CALN1: variants seen among roughly 807,000 people sequenced by gnomAD.
The protein encoded by CALN1 is calneuron 1, also known as calcium-binding protein 8.
In CALN1, 17 loss-of-function variants were observed where a neutral mutation model predicts 30.6. The observed-to-expected ratio is 0.56, with a 90% CI of 0.38 to 0.83. CALN1 has a LOEUF of 0.83. Among genes scored for constraint, CALN1 ranks in the 40% least tolerant of loss-of-function variants. The pLI is 0.00. For synonymous variants in CALN1, 156 were observed against 131.4 expected, an observed-to-expected ratio of 1.19 and a Z score of -1.28; for missense variants, 291 against 354.9, an observed-to-expected ratio of 0.82 and a Z score of 1.45.
intron 3 of CALN1, among the ~76,000 whole-genome samples, chr7:72,220,274 G>C (rs1462711383): frequency 6.9e-6 from 1 of 144,650 alleles, no homozygotes; most frequent in African/African-American, 2.6e-5. Context: ...TCCCACCTAT[G>C]AGTGAGAACA....
chr7:72,056,865 A>G (rs1369472951), intron 4 of CALN1, among the ~76,000 whole-genome samples: 1 of 152,226 alleles, frequency 6.6e-6, no homozygotes, highest in African/African-American at 2.4e-5. Flanking sequence ...ATGAAAATAA[A>G]TGCAAATTAA....
intron 2 of CALN1, among the ~76,000 whole-genome samples, chr7:72,313,618 A>C (rs1038484078): frequency 6.6e-6 from 1 of 152,040 alleles, no homozygotes; most frequent in African/African-American, 2.4e-5. Flanking sequence ...TGGTGGTCTC[A>C]AACTCCTGGC....
At chr7:72,347,852 G>A (rs573056080) in intron 2 of CALN1, among the ~76,000 whole-genome samples, 1 of 152,296 alleles carries the variant, frequency 6.6e-6, no homozygotes, top group Admixed American at 6.5e-5. Flanking sequence ...ATGGCAGTAG[G>A]GCGAGGTGGC....
the CALN1 span, among the ~76,000 whole-genome samples, chr7:72,503,677 CCTT>C: frequency 8.5e-3 from 1,293 of 152,194 alleles, 15 homozygotes; most frequent in African/African-American, 0.028. Context: ...GTACCAGTAA[CCTT>C]CTCTGAGTCT....
intron 5 of CALN1, among the ~76,000 whole-genome samples, chr7:71,994,511 CA>C (rs367725464): frequency 0.046 from 2,020 of 43,996 alleles, 7 homozygotes; most frequent in African/African-American, 0.066. Context: ...GACTTCATCT[CA>C]AAAAAAAAAA....
chr7:71,816,333 G>A (rs1788264283), intron 5 of CALN1, among the ~76,000 whole-genome samples: 1 of 152,134 alleles, frequency 6.6e-6, no homozygotes, highest in Non-Finnish European at 1.5e-5. Context: ...CATACACTCA[G>A]AGAAAACTCA....
At chr7:71,814,707 T>G (rs1584279191) in intron 5 of CALN1, among the ~76,000 whole-genome samples, 1 of 152,306 alleles carries the variant, frequency 6.6e-6, no homozygotes, top group East Asian at 1.9e-4. Flanking sequence ...TGATGATCCA[T>G]TTCCAGTTAA....
In CALN1 at chr7:72,324,707, G is replaced by A. The variant is rs1223032567; in HGVS notation, c.120-45897C>T. Among the ~76,000 whole-genome samples, 10 of 151,744 alleles carry A rather than the reference G, an allele frequency of 6.6e-5. No homozygotes were observed. In the East Asian group the frequency reaches 1.5e-3, roughly 24 times the overall value. On this transcript the variant is annotated intron_variant, in intron 2 of 6. Transcript: ENST00000395275. The stretch of plus-strand genomic sequence containing the variant: ...AGTGATTCTCCTGCCTCAGCCTCCC[G>A]AGTAGCTGGGACTACAGATGTGTAC...
chr7:72,234,859 T>C (rs907693377), intron 3 of CALN1, among the ~76,000 whole-genome samples: 1 of 152,196 alleles, frequency 6.6e-6, no homozygotes, highest in African/African-American at 2.4e-5. Flanking sequence ...AAGTACTTAA[T>C]TATGGGTGGA....
At chr7:72,034,998 T>C (rs961587577) in intron 4 of CALN1, among the ~76,000 whole-genome samples, 1 of 152,080 alleles carries the variant, frequency 6.6e-6, no homozygotes, top group African/African-American at 2.4e-5. Flanking sequence ...TCCAGACATG[T>C]ACCCACTCCC....
chr7:72,162,251 T>C (rs1439569168), intron 3 of CALN1, among the ~76,000 whole-genome samples: 2 of 152,100 alleles, frequency 1.3e-5, no homozygotes. Flanking sequence ...AAATTAAATA[T>C]ATAACAATTG....
At chr7:72,464,518 A>G in the CALN1 span, among the ~76,000 whole-genome samples, 7 of 152,252 alleles carry the variant, frequency 4.6e-5, no homozygotes, top group South Asian at 2.1e-4. Flanking sequence ...CTTCATGCCA[A>G]TCCCACACAT....
At chr7:72,067,672 T>C (rs997588378) in intron 4 of CALN1, among the ~76,000 whole-genome samples, 13 of 152,182 alleles carry the variant, frequency 8.5e-5, no homozygotes, top group African/African-American at 3.1e-4. Context: ...AATCTGTCAA[T>C]AAGTTACAAC....
At chr7:72,389,466 G>T (rs1236578170) in intron 2 of CALN1, among the ~76,000 whole-genome samples, 1 of 152,164 alleles carries the variant, frequency 6.6e-6, no homozygotes, top group African/African-American at 2.4e-5. Flanking sequence ...ACTAGGAAAA[G>T]AATTCAAAAA....
chr7:72,226,030 G>A (rs1402167905), intron 3 of CALN1, among the ~76,000 whole-genome samples: 8 of 150,908 alleles, frequency 5.3e-5, no homozygotes, highest in African/African-American at 1.9e-4. Flanking sequence ...CGGGAGGCAG[G>A]GGTTGCAGTG....
chr7:72,294,913 G>A (rs921868752), intron 2 of CALN1, among the ~76,000 whole-genome samples: 1 of 152,098 alleles, frequency 6.6e-6, no homozygotes, highest in Non-Finnish European at 1.5e-5. Context: ...AATTTAATGT[G>A]TGCATTTCTG....
chr7:72,212,077 G>C, intron 3 of CALN1, among the ~76,000 whole-genome samples: 1 of 152,110 alleles, frequency 6.6e-6, no homozygotes, highest in East Asian at 1.9e-4. Context: ...GAGGGGCCGG[G>C]CACGGTGACT....
intron 3 of CALN1, among the ~76,000 whole-genome samples, chr7:72,114,814 C>T (rs550551508): frequency 2.0e-5 from 3 of 152,078 alleles, no homozygotes; most frequent in Non-Finnish European, 4.4e-5. Context: ...GCCAACATGG[C>T]GAAACCCCGT....
intron 3 of CALN1, among the ~76,000 whole-genome samples, chr7:72,237,122 T>A (rs1029271621): frequency 2.0e-5 from 3 of 152,172 alleles, no homozygotes; most frequent in East Asian, 3.9e-4. Context: ...GTAGCTGAGA[T>A]TACAGGCATG....
Sources: allele counts gnomAD v4.1 joint callset (sites outside exome capture counted in the v4.1 genomes callset), GRCh38; gene constraint gnomAD v4.1.1; transcripts MANE v1.5; gene names NCBI Gene and HGNC (gene_info 2026-07-23, HGNC 2026-07-21).